MYO19: variants seen among roughly 807,000 people sequenced by gnomAD.
The protein encoded by MYO19 is unconventional myosin-XIX.
In MYO19, 132 loss-of-function variants were observed where a neutral mutation model predicts 129.2. That is an observed-to-expected ratio of 1.02 (90% CI 0.89 to 1.18). MYO19 has a LOEUF of 1.18. MYO19 is among the 50% of genes most tolerant of loss of function. The probability of loss-of-function intolerance (pLI) is 0.00; values close to 1 mark genes in which losing one functional copy is unlikely to be tolerated. For synonymous variants in MYO19, 531 were observed against 477.2 expected (o/e 1.11, Z -1.47); for missense variants, 1,210 against 1,216.7 (o/e 0.99, Z 0.08).
At chr17:36,502,758 C>A in intron 21 of MYO19, 1 of 305,150 alleles carries the variant, frequency 3.3e-6, no homozygotes, top group Non-Finnish European at 6.1e-6. Flanking sequence ...CTCATACCCA[C>A]ACTGCTGCCT....
upstream of MYO19, chr17:36,535,530 C>A (rs531477296): frequency 6.6e-6 from 1 of 152,246 alleles, no homozygotes; most frequent in South Asian, 2.1e-4. Context: ...TTGGCGGGTG[C>A]AGCGGCAGTC....
At chr17:36,513,913 A>G (rs1291396505) in intron 9 of MYO19, among the ~76,000 whole-genome samples, 188 bp from the exon 10 acceptor site, 1 of 152,240 alleles carries the variant, frequency 6.6e-6, no homozygotes, top group Non-Finnish European at 1.5e-5. Context: ...GATGTCTCCA[A>G]CCTGATGCAA....
intron 23 of MYO19, 25 bp from the exon 24 acceptor site, chr17:36,499,185 A>G (rs2071273977): frequency 6.4e-7 from 1 of 1,574,358 alleles, no homozygotes; most frequent in Non-Finnish European, 8.7e-7. Context: ...CAGAAACAGG[A>G]AAGAGATAAT....
chr17:36,536,915 A>G (rs1567807964), upstream of MYO19, among the ~76,000 whole-genome samples: 1 of 152,222 alleles, frequency 6.6e-6, no homozygotes, highest in Non-Finnish European at 1.5e-5. Context: ...ATCTGAACAC[A>G]TTAGTGTTAA....
rs745424434 is a variant in MYO19, at chr17:36,528,118, G to A, written c.97C>T (p.Leu33=). 6.2e-7 allele frequency: 1 copy of A among 1,613,848 alleles called. No homozygotes were observed. Among genetic ancestry groups the A allele is most frequent in the Admixed American group, 1.7e-5 (1 of 60,000 alleles). ...GTGAGGTCATCCAGTTTGTACAGCA[G>A]GACCTCCCCACCCAGGAACTCCTGC... ...DLQEFLGGEV[L]LYKLDDLTRV... The change falls in exon 4 of 26, where the codon CTG becomes TTG. Residue 33 remains leucine (L), a synonymous_variant. Coordinates refer to ENST00000614623, the MANE Select transcript of MYO19 (RefSeq NM_001163735.2).
Position 36,506,526 on chromosome 17 carries a change from T to G in MYO19, c.1727A>C (p.Lys576Thr). The G allele has an allele frequency of 2.5e-6, 4 of 1,603,418 alleles. No individual in the cohort carries two copies. The highest frequency in any genetic ancestry group is 3.4e-6 in the Non-Finnish European group (4 of 1,176,384). Residue 576 changes from lysine (K) to threonine (T), a missense_variant, in exon 18 of 26, where the codon AAA becomes ACA. Physicochemically the swap from Lys to Thr is moderately conservative, Grantham distance 78. Coordinates refer to ENST00000614623, the MANE Select transcript of MYO19 (RefSeq NM_001163735.2). ...LLMGLFPTNPKEKTQEEPPGQ... is the reference protein window; with the variant it reads ...LLMGLFPTNPTEKTQEEPPGQ... The stretch of plus-strand genomic sequence containing the variant: ...AGGGGGTTCCTCCTGGGTCTTCTCT[T>G]TGGGGTTAGTAGGAAACAGCCCCAT...
chr17:36,523,182 C>CAAAAAAA (rs34403651), intron 6 of MYO19, among the ~76,000 whole-genome samples: 3 of 103,418 alleles, frequency 2.9e-5, no homozygotes, highest in East Asian at 2.7e-4. Flanking sequence ...AACCCTGTCT[C>CAAAAAAA]AAAAAAAAAA....
At chr17:36,517,203 T>A (rs2072812993) in intron 6 of MYO19, among the ~76,000 whole-genome samples, 1 of 152,228 alleles carries the variant, frequency 6.6e-6, no homozygotes. Flanking sequence ...TTCCTGATAC[T>A]GGTGATTTAC....
At chr17:36,529,378 C>G (rs2073688384) in intron 3 of MYO19, among the ~76,000 whole-genome samples, 1 of 152,106 alleles carries the variant, frequency 6.6e-6, no homozygotes, top group Non-Finnish European at 1.5e-5. Context: ...CCCATTTCTC[C>G]TACTGTCTCC....
At chr17:36,506,629 C>T in intron 17 of MYO19, 21 bp from the exon 18 acceptor site, 1 of 1,516,086 alleles carries the variant, frequency 6.6e-7, no homozygotes, top group Non-Finnish European at 8.8e-7. Context: ...ATGGCAAGAG[C>T]AGCAGTGAGG....
chr17:36,544,707 C>A (rs2074228302), upstream of MYO19, among the ~76,000 whole-genome samples: 1 of 152,232 alleles, frequency 6.6e-6, no homozygotes, highest in Non-Finnish European at 1.5e-5. Context: ...TCCTACCAGT[C>A]CTAGTTCGGG....
At chr17:36,507,672 TATTTGTCAATTAAAAATAAA>T in intron 15 of MYO19, 111 bp downstream of exon 15, 2 of 1,271,220 alleles carry the variant, frequency 1.6e-6, no homozygotes, top group South Asian at 3.0e-5. Flanking sequence ...GTGCAATTAT[TATTTGTCAATTAAAAATAAA>T]ATAAGAAGGA....
intron 13 of MYO19, chr17:36,510,050 G>A (rs1184534439): frequency 2.6e-5 from 4 of 152,248 alleles, no homozygotes; most frequent in Non-Finnish European, 5.9e-5. Context: ...TGGAGTTTAT[G>A]AAAGCAGGGG....
intron 14 of MYO19, chr17:36,508,305 G>T: frequency 5.9e-6 from 1 of 169,342 alleles, no homozygotes; most frequent in Admixed American, 6.0e-5. Context: ...AGTCTCACTA[G>T]CCAATTTGGT....
rs1301883961 is a variant in MYO19 at position 36,507,420 on chromosome 17, G to A, written c.1446C>T (p.Ser482=). 2 of 1,613,474 alleles carry A rather than the reference G, an allele frequency of 1.2e-6. No homozygotes were observed. Among genetic ancestry groups the A allele is most frequent in the East Asian group, 2.2e-5 (1 of 44,894 alleles). The change falls in exon 16 of 26, where the codon AGC becomes AGT. Residue 482 remains serine, a synonymous_variant. Coordinates refer to ENST00000614623, the MANE Select transcript of MYO19 (RefSeq NM_001163735.2). The stretch of plus-strand genomic sequence containing the variant: ...CCACCTCATTTATGAGGGAGCAGAT[G>A]CTGATGGGGCTTCCCTCAATGAGAT... ...CLDLIEGSPI[S]ICSLINEECR... is the part of the protein sequence containing the mutation.
Position 36,528,201 on chromosome 17 carries a change from A to G in MYO19, c.14T>C (p.Val5Ala), listed in dbSNP as rs761425887. The change falls in exon 4 of 26, where the codon GTC becomes GCC. Residue 5 changes from valine to alanine, a missense_variant and splice_region_variant. Val to Ala is a moderately conservative substitution (Grantham distance 64). Transcript: ENST00000614623. MLQQ[V>A]NGHNPGSDGQ... ...ATCAGACCCCGGATTGTGGCCATTG[A>G]CCTGGAAGAGATAACGTGAAGGTGA... The G allele has an allele frequency of 1.9e-6, 3 of 1,573,006 alleles. No individual in the cohort carries two copies. In the South Asian group the frequency reaches 3.5e-5, roughly 18 times the overall value.
intron 2 of MYO19, among the ~76,000 whole-genome samples, chr17:36,540,145 G>T (rs2074189488): frequency 1.3e-5 from 2 of 152,086 alleles, no homozygotes; most frequent in African/African-American, 4.8e-5. Flanking sequence ...CATGCTAAGG[G>T]AAAGGAGAAC....
chr17:36,511,534 T>C, intron 11 of MYO19, 79 bp from the exon 12 acceptor site: 3 of 1,274,280 alleles, frequency 2.4e-6, no homozygotes, highest in Non-Finnish European at 3.3e-6. Flanking sequence ...TTCTGCTGAG[T>C]ACAATCACGA....
At chr17:36,515,064 AC>A in intron 8 of MYO19, 48 bp downstream of exon 8, 1 of 1,545,714 alleles carries the variant, frequency 6.5e-7, no homozygotes, top group Admixed American at 1.9e-5. Context: ...GCCACTTTCA[AC>A]CTCCCCAGTC....
Sources: gnomAD v4.1 joint callset for allele counts (sites outside exome capture counted in the v4.1 genomes callset) on GRCh38, gnomAD v4.1.1 for gene constraint, MANE v1.5 for transcripts, NCBI Gene and HGNC (gene_info 2026-07-23, HGNC 2026-07-21) for gene names.